RAPGEF4: variants seen among roughly 807,000 people sequenced by gnomAD.
The protein encoded by RAPGEF4 is RAP guanine-nucleotide-exchange factor (GEF) 4.
In RAPGEF4, 66 loss-of-function variants were observed where a neutral mutation model predicts 147.9. The observed-to-expected ratio is 0.45, with a 90% confidence interval of 0.37 to 0.55. The LOEUF (loss-of-function observed/expected upper bound fraction) is 0.55. RAPGEF4 is among the 20% of genes least tolerant of loss of function. The probability of loss-of-function intolerance (pLI) is 0.00; values close to 1 mark genes in which losing one functional copy is unlikely to be tolerated. For missense variants in RAPGEF4, 1,071 were observed against 1,257.3 expected (o/e 0.85, Z 2.24); for synonymous variants, 419 against 442.7 (o/e 0.95, Z 0.67).
Position 172,967,605 on chromosome 2 carries a change from A to T in RAPGEF4, c.1004+161A>T, listed in dbSNP as rs548499680. ...TGCCACAGCAGTGCTTGTCTCTGTT[A>T]TTTTAATTTTTGTGTTTGATCCAGA... is the stretch of plus-strand genomic sequence containing the variant. On this transcript the variant is annotated intron_variant, in intron 10 of 30. Coordinates refer to ENST00000397081, the MANE Select transcript of RAPGEF4 (RefSeq NM_007023.4). Among the ~76,000 whole-genome samples the T allele has an allele frequency of 4.4e-4, 67 of 152,322 alleles. No homozygotes were observed. The South Asian group carries it at 0.013, about 29-fold the overall frequency.
At chr2:172,757,804 G>T (rs1421265208) in intron 1 of RAPGEF4, among the ~76,000 whole-genome samples, 1 of 152,086 alleles carries the variant, frequency 6.6e-6, no homozygotes, top group East Asian at 1.9e-4. Context: ...CTGAATAGTT[G>T]AGGCATTACT....
At chr2:172,823,233 G>A (rs1689274992) in intron 4 of RAPGEF4, among the ~76,000 whole-genome samples, 1 of 152,196 alleles carries the variant, frequency 6.6e-6, no homozygotes. Flanking sequence ...GATAGCATTT[G>A]AGGCAGCCTT....
chr2:172,917,754 C>A, intron 4 of RAPGEF4, 48 bp from the exon 5 acceptor site: 1 of 1,496,382 alleles, frequency 6.7e-7, no homozygotes, highest in South Asian at 1.1e-5. Flanking sequence ...AATGAATGCT[C>A]AAAGCAAGTA....
At chr2:172,866,365 C>G (rs1056864476) in intron 4 of RAPGEF4, among the ~76,000 whole-genome samples, 3 of 152,058 alleles carry the variant, frequency 2.0e-5, no homozygotes, top group African/African-American at 7.2e-5. Context: ...CTTAATTTTT[C>G]TATAGCATTT....
At chr2:172,886,195 T>G (rs898924264) in intron 4 of RAPGEF4, among the ~76,000 whole-genome samples, 2 of 152,240 alleles carry the variant, frequency 1.3e-5, no homozygotes, top group Admixed American at 1.3e-4. Context: ...CATTTGCCAT[T>G]GCATGTTTAA....
At chr2:173,003,055 C>T (rs1364145038) in intron 17 of RAPGEF4, among the ~76,000 whole-genome samples, 2 of 151,916 alleles carry the variant, frequency 1.3e-5, no homozygotes, top group East Asian at 1.9e-4. Context: ...GCAAACAAAA[C>T]TCAAGGGCGA....
chr2:172,969,019 C>T (rs991133289), intron 10 of RAPGEF4, among the ~76,000 whole-genome samples: 1 of 152,192 alleles, frequency 6.6e-6, no homozygotes, highest in Non-Finnish European at 1.5e-5. Flanking sequence ...CCCCTAAGGG[C>T]TGTTGTCAAA....
intron 4 of RAPGEF4, among the ~76,000 whole-genome samples, chr2:172,843,119 T>TAACTGGGAGTTTATTA (rs1293493685): frequency 6.6e-6 from 1 of 152,170 alleles, no homozygotes; most frequent in East Asian, 1.9e-4. Flanking sequence ...GTGGTGTCAT[T>TAACTGGGAGTTTATTA]AACTGGGAGT....
intron 17 of RAPGEF4, 24 bp downstream of exon 17, chr2:173,001,368 G>A (rs752902158): frequency 1.9e-6 from 3 of 1,613,186 alleles, no homozygotes; most frequent in Non-Finnish European, 2.5e-6. Flanking sequence ...GTGATTGTAA[G>A]TCCCTATTCC....
chr2:172,736,148 G>C, intron 1 of RAPGEF4, 100 bp downstream of exon 1: 1 of 989,876 alleles, frequency 1.0e-6, no homozygotes, highest in Non-Finnish European at 1.3e-6. Context: ...CGGCCGGGCT[G>C]CGGGTGGCCG....
intron 4 of RAPGEF4, among the ~76,000 whole-genome samples, chr2:172,888,497 G>C (rs570377360): frequency 6.6e-6 from 1 of 152,134 alleles, no homozygotes; most frequent in Non-Finnish European, 1.5e-5. Context: ...ATTTGTTGGT[G>C]GACCAACTTC....
intron 4 of RAPGEF4, among the ~76,000 whole-genome samples, chr2:172,815,445 A>G (rs1455306692): frequency 6.6e-6 from 1 of 152,190 alleles, no homozygotes; most frequent in Non-Finnish European, 1.5e-5. Flanking sequence ...CTTGTTTGAA[A>G]TATTTCTCTT....
At chr2:172,974,505 G>A (rs115403382) in intron 10 of RAPGEF4, among the ~76,000 whole-genome samples, 3,654 of 152,118 alleles carry the variant, frequency 0.024, 61 homozygotes, top group Middle Eastern at 0.051. Flanking sequence ...GCAACATGGC[G>A]AAAACCCATC....
At chr2:172,821,819 C>T in intron 4 of RAPGEF4, 1 of 1,378,720 alleles carries the variant, frequency 7.3e-7, no homozygotes, top group Non-Finnish European at 9.4e-7. Flanking sequence ...CCATCAGCAC[C>T]AGTTTCCTTT....
intron 4 of RAPGEF4, among the ~76,000 whole-genome samples, chr2:172,886,426 A>G (rs534975957): frequency 1.3e-4 from 20 of 152,270 alleles, no homozygotes; most frequent in Admixed American, 1.3e-3. Context: ...ACTCTGAAAG[A>G]AGAGTCTCCT....
chr2:172,807,882 T>G (rs1687658633), intron 3 of RAPGEF4, among the ~76,000 whole-genome samples: 1 of 152,250 alleles, frequency 6.6e-6, no homozygotes. Context: ...CAATGAACTC[T>G]TCTTGAGCCA....
rs538277710 is a variant in RAPGEF4 at position 172,937,345 on chromosome 2, C to T, written c.537+15045C>T. Among the ~76,000 whole-genome samples, 124 of 152,116 alleles carry T rather than the reference C, an allele frequency of 8.2e-4. 1 individual carries two copies. Among genetic ancestry groups the T allele is most frequent in the Non-Finnish European group, 5.6e-4 (38 of 68,028 alleles). ...TTCAGTCGCCATGTCTCCTTAGGCT[C>T]CTTTTGGCTATCCATTTCTCAGACT... On this transcript the variant is annotated intron_variant, in intron 6 of 30. Transcript: ENST00000397081.
At chr2:172,840,666 G>C (rs929987689) in intron 4 of RAPGEF4, among the ~76,000 whole-genome samples, 1 of 152,228 alleles carries the variant, frequency 6.6e-6, no homozygotes, top group African/African-American at 2.4e-5. Context: ...TTAGCAGTTA[G>C]ATATGGATTT....
At chr2:172,831,232 A>G (rs1438300080) in intron 4 of RAPGEF4, among the ~76,000 whole-genome samples, 2 of 94,722 alleles carry the variant, frequency 2.1e-5, no homozygotes, top group Non-Finnish European at 4.4e-5. Context: ...ATCTGAGAAT[A>G]TTTTCACAAA....
Sources: gnomAD v4.1 joint callset for allele counts (sites outside exome capture counted in the v4.1 genomes callset) on GRCh38, gnomAD v4.1.1 for gene constraint, MANE v1.5 for transcripts, NCBI Gene and HGNC (gene_info 2026-07-23, HGNC 2026-07-21) for gene names.